Variants in GNA12 observed in about 807,000 individuals in gnomAD.
GNA12 encodes the protein G protein subunit alpha 12, also known as guanine nucleotide-binding protein subunit alpha-12.
GNA12 carries 9 observed loss-of-function variants against 26.0 expected under a neutral mutation model. That is an observed-to-expected ratio of 0.35 (90% CI 0.21 to 0.60). The LOEUF is 0.60. Among genes scored for constraint, GNA12 ranks in the 20% least tolerant of loss-of-function variants. GNA12 has a pLI of 0.78. For synonymous variants in GNA12, 264 were observed against 219.6 expected, an observed-to-expected ratio of 1.20 and a Z score of -1.79; for missense variants, 405 against 525.8, an observed-to-expected ratio of 0.77 and a Z score of 2.25.
intron 2 of GNA12, among the ~76,000 whole-genome samples, chr7:2,767,106 A>G (rs761913410): frequency 5.9e-5 from 9 of 152,150 alleles, no homozygotes; most frequent in Non-Finnish European, 1.3e-4. Context: ...CTTCTTGTTG[A>G]GTTGTAGGAG....
Position 2,795,035 on chromosome 7 carries a change from G to T in GNA12, c.418C>A (p.Leu140Met). ...FLMAFENKAGLPVEPATFQLY... is the reference protein window; with the variant it reads ...FLMAFENKAGMPVEPATFQLY... ...TGGAAGGTGGCCGGCTCCACAGGCA[G>T]CCCCGCCTTGTTCTCGAAGGCCATC... is the stretch of plus-strand genomic sequence containing the variant. Residue 140 changes from leucine to methionine, a missense_variant, in exon 2 of 4, where the codon CTG (leucine) becomes ATG (methionine). Leu to Met is a conservative substitution (Grantham distance 15). Transcript: ENST00000275364. 6.2e-7 allele frequency: 1 copy of T among 1,613,936 alleles called. No homozygotes were observed. Among genetic ancestry groups the T allele is most frequent in the South Asian group, 1.1e-5 (1 of 91,072 alleles).
chr7:2,791,897 A>C (rs1562430952), intron 2 of GNA12, among the ~76,000 whole-genome samples: 1 of 152,204 alleles, frequency 6.6e-6, no homozygotes, highest in Non-Finnish European at 1.5e-5. Flanking sequence ...CAAATGTATA[A>C]AGTATAGGAA....
At chr7:2,756,548 G>C (rs940004203) in intron 2 of GNA12, among the ~76,000 whole-genome samples, 1 of 152,040 alleles carries the variant, frequency 6.6e-6, no homozygotes, top group Non-Finnish European at 1.5e-5. Context: ...CCGGGAGGTC[G>C]AGGCTGCAGT....
At chr7:2,754,582 T>TA (rs34822125) in intron 2 of GNA12, among the ~76,000 whole-genome samples, 156 of 143,558 alleles carry the variant, frequency 1.1e-3, no homozygotes, top group East Asian at 3.5e-3. Flanking sequence ...ATCTCTACTT[T>TA]AAAAAAAAAA....
At chr7:2,815,167 A>C in intron 1 of GNA12, 1 of 554,696 alleles carries the variant, frequency 1.8e-6, no homozygotes, top group Non-Finnish European at 3.1e-6. Flanking sequence ...AGTGGACAGG[A>C]ACATCGGCGA....
chr7:2,793,900 GA>G (rs141650013), intron 2 of GNA12, among the ~76,000 whole-genome samples: 1 of 141,096 alleles, frequency 7.1e-6, no homozygotes, highest in African/African-American at 2.6e-5. Context: ...AAAAAAAAAG[GA>G]AAAAAAAAGA....
At chr7:2,816,894 T>C (rs138737972) in intron 1 of GNA12, among the ~76,000 whole-genome samples, 1 of 152,206 alleles carries the variant, frequency 6.6e-6, no homozygotes, top group Non-Finnish European at 1.5e-5. Context: ...CGGTGACTTC[T>C]TACCGCCTCC....
chr7:2,816,891 T>C (rs1207687047), intron 1 of GNA12, among the ~76,000 whole-genome samples: 2 of 152,218 alleles, frequency 1.3e-5, no homozygotes, highest in Non-Finnish European at 2.9e-5. Context: ...CTCCGGTGAC[T>C]TCTTACCGCC....
intron 2 of GNA12, among the ~76,000 whole-genome samples, chr7:2,737,293 T>G (rs1307908795): frequency 1.7e-5 from 2 of 114,884 alleles, no homozygotes; most frequent in African/African-American, 3.4e-5. Flanking sequence ...TTTTTTGTTT[T>G]TTTTTTTTTT....
At chr7:2,750,284 A>G (rs1357877910) in intron 2 of GNA12, among the ~76,000 whole-genome samples, 2 of 152,186 alleles carry the variant, frequency 1.3e-5, no homozygotes, top group African/African-American at 4.8e-5. Context: ...TGCTGCCCCC[A>G]AACTGCAGAG....
At chr7:2,759,237 G>A (rs1791447311) in intron 2 of GNA12, among the ~76,000 whole-genome samples, 1 of 151,828 alleles carries the variant, frequency 6.6e-6, no homozygotes, top group South Asian at 2.1e-4. Flanking sequence ...TAACGCTGAA[G>A]AAATAAGTCA....
chr7:2,815,364 T>TCACG (rs1406510553), intron 1 of GNA12: 1 of 191,556 alleles, frequency 5.2e-6, no homozygotes, highest in African/African-American at 2.4e-5. Context: ...GGAAGGAATC[T>TCACG]CACGCACGAA....
At chr7:2,789,026 G>A (rs1325062836) in intron 2 of GNA12, among the ~76,000 whole-genome samples, 1 of 151,614 alleles carries the variant, frequency 6.6e-6, no homozygotes, top group Non-Finnish European at 1.5e-5. Flanking sequence ...TTGCCATGTT[G>A]GCCAGGGTGG....
chr7:2,834,151 A>G (rs1778762433), intron 1 of GNA12, among the ~76,000 whole-genome samples: 1 of 152,228 alleles, frequency 6.6e-6, no homozygotes. Flanking sequence ...CCACCACATT[A>G]CAACCACTCC....
Position 2,733,464 on chromosome 7 carries a change from C to G in GNA12, c.563G>C (p.Arg188Pro). 2 of 1,613,820 alleles carry G rather than the reference C, an allele frequency of 1.2e-6. No individual in the cohort carries two copies. The highest frequency in any genetic ancestry group is 1.7e-6 in the Non-Finnish European group (2 of 1,179,842). ...GTGCTTACTCACCAGCTGGCCGATC[C>G]GGTCCAAGTTGTCCAGGAAGTACTT... is the stretch of plus-strand genomic sequence containing the variant. The part of the protein sequence containing the change: ...SVKYFLDNLD[R>P]IGQLNYFPSK... Residue 188 changes from arginine (R) to proline (P), a missense_variant, in exon 3 of 4, where the codon CGG becomes CCG. Coordinates refer to ENST00000275364, the MANE Select transcript of GNA12 (RefSeq NM_007353.3).
At chr7:2,734,561 C>T (rs1790063749) in intron 2 of GNA12, among the ~76,000 whole-genome samples, 1 of 152,138 alleles carries the variant, frequency 6.6e-6, no homozygotes. Flanking sequence ...AAGCTCGTGG[C>T]GTTGTAAGGG....
chr7:2,733,438 C>T lies in GNA12; in HGVS notation c.576+13G>A, dbSNP rs551131535. 1.4e-5 allele frequency: 23 copies of T among 1,611,996 alleles called. No homozygotes were observed. Among genetic ancestry groups the T allele is most frequent in the Admixed American group, 6.7e-5 (4 of 59,954 alleles). On this transcript the variant is annotated intron_variant, in intron 3 of 3. Coordinates refer to ENST00000275364, the MANE Select transcript of GNA12 (RefSeq NM_007353.3). ...CTGGAGCCCAGCTTCTTCGGGCGGGCGTGCTTACTCACCAGCTGGCCGATC... is the reference window on the plus strand; with the variant it reads ...CTGGAGCCCAGCTTCTTCGGGCGGGTGTGCTTACTCACCAGCTGGCCGATC...
At chr7:2,743,398 T>C (rs1213281487) in intron 2 of GNA12, among the ~76,000 whole-genome samples, 1 of 152,126 alleles carries the variant, frequency 6.6e-6, no homozygotes, top group African/African-American at 2.4e-5. Flanking sequence ...AAGATATTCA[T>C]CATCAGGGGC....
chr7:2,794,710 TTGA>T, intron 2 of GNA12: 1 of 573,696 alleles, frequency 1.7e-6, no homozygotes, highest in South Asian at 2.1e-5. Context: ...AAGAAAGCTA[TTGA>T]TCTTACCTGA....
Sources: gnomAD v4.1 joint callset for allele counts (sites outside exome capture counted in the v4.1 genomes callset) on GRCh38, gnomAD v4.1.1 for gene constraint, MANE v1.5 for transcripts, NCBI Gene and HGNC (gene_info 2026-07-23, HGNC 2026-07-21) for gene names.